Variants in SLC6A2 observed in about 807,000 individuals in gnomAD.
SLC6A2 encodes solute carrier family 6 member 2.
In SLC6A2, 26 loss-of-function variants were observed where a neutral mutation model predicts 71.7. That is an observed-to-expected ratio of 0.36 (90% confidence interval 0.27 to 0.50). The LOEUF (loss-of-function observed/expected upper bound fraction) is 0.50, where lower values mean the gene tolerates loss of function less well. SLC6A2 is among the 20% of genes least tolerant of loss of function. The pLI, the probability that SLC6A2 is intolerant of heterozygous loss-of-function variation, is 0.96. For synonymous variants in SLC6A2, 363 were observed against 337.9 expected (o/e 1.07, Z -0.82); for missense variants, 581 against 803.9 (o/e 0.72, Z 3.35).
At chr16:55,684,523 G>T (rs1362908598) in intron 4 of SLC6A2, among the ~76,000 whole-genome samples, 5 of 152,156 alleles carry the variant, frequency 3.3e-5, no homozygotes, top group Non-Finnish European at 7.4e-5. Flanking sequence ...AGCTTTAGTA[G>T]CTATTCCCCA....
At chr16:55,698,608 C>G (rs751315813) in intron 11 of SLC6A2, 40 bp downstream of exon 11, 1 of 1,403,064 alleles carries the variant, frequency 7.1e-7, no homozygotes, top group Admixed American at 1.7e-5. Flanking sequence ...CCCAGTCCTC[C>G]TAGAATCCTG....
Position 55,705,078 on chromosome 16 carries a change from T to G in SLC6A2, c.*2732T>G. ...GGGTGCTGTGTACTGTATATGACAC[T>G]TGACGCTTTTGATATTTTTTCAGGT... On this transcript the variant is annotated 3_prime_UTR_variant, in exon 15 of 15. Transcript: ENST00000568943. The G allele has an allele frequency of 1.4e-6, 1 of 740,316 alleles. No homozygotes were observed. The highest frequency in any genetic ancestry group is 2.3e-6 in the Non-Finnish European group (1 of 433,600). The allele number at this position is 740,316 out of a possible 1,614,324, so 45.9% of individuals were successfully genotyped here.
At chr16:55,684,980 G>C (rs570835367) in intron 4 of SLC6A2, among the ~76,000 whole-genome samples, 163 bp from the exon 5 acceptor site, 3 of 152,332 alleles carry the variant, frequency 2.0e-5, no homozygotes, top group African/African-American at 7.2e-5. Context: ...GATCAGGTCA[G>C]GCCCATGTGG....
At chr16:55,678,195 G>A (rs950213056) in intron 4 of SLC6A2, among the ~76,000 whole-genome samples, 4 of 152,040 alleles carry the variant, frequency 2.6e-5, no homozygotes, top group Middle Eastern at 3.2e-3. Flanking sequence ...AGAGCTGGGA[G>A]TGCAGGGGCC....
chr16:55,695,560 T>C (rs1397979939), intron 8 of SLC6A2, among the ~76,000 whole-genome samples, 158 bp downstream of exon 8: 1 of 152,196 alleles, frequency 6.6e-6, no homozygotes, highest in African/African-American at 2.4e-5. Context: ...TTGAGGTTAT[T>C]AGTGGGCATT....
At chr16:55,684,164 G>T (rs2142555429) in intron 4 of SLC6A2, among the ~76,000 whole-genome samples, 1 of 152,100 alleles carries the variant, frequency 6.6e-6, no homozygotes, top group East Asian at 1.9e-4. Flanking sequence ...GCCAGGCATG[G>T]TGATGTATAC....
intron 6 of SLC6A2, 74 bp from the exon 7 acceptor site, chr16:55,693,936 A>C (rs541633060): frequency 3.3e-5 from 33 of 1,004,832 alleles, no homozygotes; most frequent in Admixed American, 6.8e-5. Flanking sequence ...AGGGTTTCTC[A>C]GCCCTTCCGG....
rs901102746 is a variant in SLC6A2, at chr16:55,678,832, G to A, written c.645-6311G>A. On this transcript the variant is annotated intron_variant, in intron 4 of 14. Transcript: ENST00000568943. ...AAACTTCTGGAAAACTAAAACTGAC[G>A]TAAGTTTCTTGTACTAAACCCCAAG... Among the ~76,000 whole-genome samples the A allele has an allele frequency of 3.3e-5, 5 of 152,204 alleles. No homozygotes were observed. In the East Asian group the frequency reaches 7.7e-4, roughly 23 times the overall value.
intron 4 of SLC6A2, among the ~76,000 whole-genome samples, chr16:55,684,026 G>A (rs1196135238): frequency 6.6e-6 from 1 of 152,074 alleles, no homozygotes; most frequent in African/African-American, 2.4e-5. Context: ...GGCCAGGTGT[G>A]GTGGCTCACA....
rs533195981 is a variant in SLC6A2, at chr16:55,663,912, T to C, written c.275-5653T>C. Among the ~76,000 whole-genome samples the C allele has an allele frequency of 3.3e-5, 5 of 152,288 alleles. No individual in the cohort carries two copies. In the South Asian group the frequency reaches 1.0e-3, roughly 32 times the overall value. On this transcript the variant is annotated intron_variant, in intron 2 of 14. Coordinates refer to ENST00000568943, the MANE Select transcript of SLC6A2 (RefSeq NM_001172501.3). ...AAAACCCCCATTTCAGAAGGAGTCC[T>C]GCCCCAGGCCCTGGGGGAAGGAATG...
intron 6 of SLC6A2, 63 bp from the exon 7 acceptor site, chr16:55,693,947 A>T (rs908056082): frequency 2.6e-5 from 28 of 1,084,388 alleles, no homozygotes; most frequent in Middle Eastern, 4.1e-4. Context: ...GCCCTTCCGG[A>T]CCAGTGAGGT....
chr16:55,691,976 G>T lies in SLC6A2; in HGVS notation c.842G>T (p.Gly281Val), dbSNP rs533120644. The change falls in exon 6 of 15, where the codon GGC becomes GTC. Residue 281 changes from glycine to valine, a missense_variant. Around this residue, in one of 5 missense-constraint regions of SLC6A2, gnomAD observed 334 missense variants for 449.0 expected, o/e 0.74. Transcript: ENST00000568943. Reference sequence around the variant, plus strand: ...GTGCTGTTCGTGCTCCTGGTCCATGGCGTCACGCTGCCCGGAGCCTCCAAT... The same window carrying T: ...GTGCTGTTCGTGCTCCTGGTCCATGTCGTCACGCTGCCCGGAGCCTCCAAT... ...YFVLFVLLVH[G>V]VTLPGASNGI... 1 of 1,614,144 alleles carries T rather than the reference G, an allele frequency of 6.2e-7. No homozygotes were observed. Among genetic ancestry groups the T allele is most frequent in the South Asian group, 1.1e-5 (1 of 91,074 alleles).
Position 55,698,068 on chromosome 16 carries a change from G to A in SLC6A2, c.1389+43G>A, listed in dbSNP as rs1224748115. The A allele has an allele frequency of 2.5e-6, 4 of 1,606,310 alleles. No individual in the cohort carries two copies. In the African/African-American group the frequency reaches 4.0e-5, roughly 16 times the overall value. ...TCTGGGTCACCTGGGGGCCTCTGAG[G>A]CCGCATTTCAATAAAGTCAAACATT... On this transcript the variant is annotated intron_variant, in intron 10 of 14. Transcript: ENST00000568943.
intron 2 of SLC6A2, among the ~76,000 whole-genome samples, chr16:55,664,174 G>T (rs1289047213): frequency 6.6e-6 from 1 of 152,084 alleles, no homozygotes; most frequent in East Asian, 1.9e-4. Context: ...ACTCTTCTAG[G>T]GTCAGCTAAG....
At chr16:55,686,524 G>A (rs532650903) in intron 5 of SLC6A2, among the ~76,000 whole-genome samples, 1 of 152,246 alleles carries the variant, frequency 6.6e-6, no homozygotes, top group South Asian at 2.1e-4. Flanking sequence ...AGTTCATTGG[G>A]GGCCACAGCG....
rs201774381 is a variant in SLC6A2, at chr16:55,702,747, C to CCCAAA, written c.*401_*402insCCAAA. The stretch of plus-strand genomic sequence containing the variant: ...TGGGCTTTTGATCAGATACCCCTCC[C>CCCAAA]AAAAAAAAAAAAAACTAAAACTAAA... On this transcript the variant is annotated 3_prime_UTR_variant, in exon 15 of 15. Coordinates refer to ENST00000568943, the MANE Select transcript of SLC6A2 (RefSeq NM_001172501.3). The CCCAAA allele has an allele frequency of 2.0e-4, 181 of 920,556 alleles. No homozygotes were observed. In the African/African-American group the frequency reaches 3.9e-3, roughly 20 times the overall value. 57.0% of individuals were successfully genotyped at this position (920,556 alleles called of 1,614,324 possible).
intron 4 of SLC6A2, among the ~76,000 whole-genome samples, chr16:55,676,452 A>G (rs1489629891): frequency 1.3e-5 from 2 of 152,174 alleles, no homozygotes; most frequent in East Asian, 1.9e-4. Context: ...CCACACAACT[A>G]TTACTGCACA....
intron 2 of SLC6A2, among the ~76,000 whole-genome samples, chr16:55,657,840 C>A (rs1270091594): frequency 1.3e-5 from 2 of 152,152 alleles, no homozygotes; most frequent in African/African-American, 4.8e-5. Flanking sequence ...AACATAGAAC[C>A]CCGGGCCAGG....
chr16:55,679,900 G>A (rs963353075), intron 4 of SLC6A2, among the ~76,000 whole-genome samples: 4 of 152,138 alleles, frequency 2.6e-5, no homozygotes, highest in Admixed American at 6.5e-5. Context: ...CGACTTTTTC[G>A]GTTGGATGAT....
Sources: gnomAD v4.1 joint callset for allele counts (sites outside exome capture counted in the v4.1 genomes callset) on GRCh38, gnomAD v4.1.1 for gene constraint, gnomAD v4.1.1 regional missense constraint, MANE v1.5 for transcripts, NCBI Gene and HGNC (gene_info 2026-07-23, HGNC 2026-07-21) for gene names.